The following PCDH7 variants were observed in gnomAD, a reference collection of about 807,000 sequenced individuals.
PCDH7 encodes protocadherin 7, also known as protocadherin-7.
In PCDH7, 17 loss-of-function variants were observed where a neutral mutation model predicts 58.9. The ratio of observed to expected loss-of-function variants is 0.29; its 90% CI spans 0.20 to 0.43. The LOEUF is 0.43. Ranked by LOEUF, PCDH7 falls within the 20% of genes least tolerant of loss-of-function variation. PCDH7 has a pLI of 1.00. For missense variants in PCDH7, 1,274 were observed against 1,441.0 expected (o/e 0.88, Z 1.88); for synonymous variants, 664 against 616.4 (o/e 1.08, Z -1.14).
intron 1 of PCDH7, chr4:30,725,103 T>C: frequency 1.0e-6 from 1 of 1,000,684 alleles, no homozygotes; most frequent in Non-Finnish European, 1.2e-6. Context: ...TTCATGCAGA[T>C]GTAGTACTAA....
Position 30,871,302 on chromosome 4 carries a change from GT to G in PCDH7, c.71-48847del, listed in dbSNP as rs1385217984. 2.6e-5 allele frequency among the ~76,000 whole-genome samples: 4 copies of G among 152,104 alleles called. No homozygotes were observed. In the East Asian group the frequency reaches 7.8e-4, roughly 30 times the overall value. ...GCAGAGGATGGGTAGGGAGCATAGG[GT>G]TTTGCTCCATGTATCTGTTCAGTGT... On this transcript the variant is annotated intron_variant, in intron 1 of 3. Coordinates refer to the PCDH7 transcript ENST00000509759.
intron 2 of PCDH7, among the ~76,000 whole-genome samples, chr4:30,921,602 C>A (rs909736478): frequency 6.6e-6 from 1 of 151,968 alleles, no homozygotes; most frequent in African/African-American, 2.4e-5. Context: ...TGATGATTGA[C>A]GTCCCTCTTG....
intron 3 of PCDH7, among the ~76,000 whole-genome samples, chr4:31,130,817 C>T (rs1718891728): frequency 1.3e-5 from 2 of 152,136 alleles, no homozygotes; most frequent in African/African-American, 4.8e-5. Flanking sequence ...TCTTCTGTCT[C>T]CCACTTCCAC....
chr4:30,757,060 T>C (rs1719396644), intron 1 of PCDH7, among the ~76,000 whole-genome samples: 1 of 152,188 alleles, frequency 6.6e-6, no homozygotes, highest in East Asian at 1.9e-4. Context: ...ATCCTTTCAA[T>C]GTCACATTCC....
intron 3 of PCDH7, among the ~76,000 whole-genome samples, chr4:31,106,694 T>C (rs960376884): frequency 6.6e-6 from 1 of 152,196 alleles, no homozygotes; most frequent in African/African-American, 2.4e-5. Context: ...TCAGTTATCA[T>C]GAAATTATTC....
At chr4:31,128,436 G>A (rs894105050) in intron 3 of PCDH7, among the ~76,000 whole-genome samples, 8 of 152,040 alleles carry the variant, frequency 5.3e-5, no homozygotes, top group African/African-American at 1.9e-4. Context: ...TACAAGGATG[G>A]GAGAAGAGAG....
intron 2 of PCDH7, among the ~76,000 whole-genome samples, chr4:30,937,799 A>G (rs1337691747): frequency 1.3e-5 from 2 of 151,680 alleles, no homozygotes; most frequent in Non-Finnish European, 2.9e-5. Context: ...GTATTATGGG[A>G]TTTTTATTTG....
exon 2 of PCDH7, chr4:30,730,787 G>A (rs1277812624): frequency 3.1e-6 from 5 of 1,608,266 alleles, no homozygotes; most frequent in East Asian, 2.2e-5. Context: ...GTGTTTGGCT[G>A]AATTCCACTC....
chr4:31,086,512 A>C (rs1321790736), intron 3 of PCDH7, among the ~76,000 whole-genome samples: 1 of 152,180 alleles, frequency 6.6e-6, no homozygotes, highest in Non-Finnish European at 1.5e-5. Flanking sequence ...TATCATACTT[A>C]ATAAGTATTT....
At chr4:30,934,173 C>T (rs1410090923) in intron 2 of PCDH7, among the ~76,000 whole-genome samples, 1 of 152,194 alleles carries the variant, frequency 6.6e-6, no homozygotes, top group African/African-American at 2.4e-5. Context: ...CCTATTTCAG[C>T]CCCAAACTTT....
At chr4:30,758,947 T>TG (rs2109266524) in intron 1 of PCDH7, among the ~76,000 whole-genome samples, 1 of 149,294 alleles carries the variant, frequency 6.7e-6, no homozygotes, top group South Asian at 2.1e-4. Flanking sequence ...AGTGTTTTTT[T>TG]TTTTTTTTTT....
chr4:30,727,863 T>C (rs978598170), intron 1 of PCDH7, among the ~76,000 whole-genome samples: 2 of 152,100 alleles, frequency 1.3e-5, no homozygotes, highest in African/African-American at 4.8e-5. Context: ...ACAGTTACTA[T>C]TTTGCTTATT....
intron 2 of PCDH7, among the ~76,000 whole-genome samples, chr4:30,946,280 C>T (rs1044339155): frequency 3.9e-5 from 6 of 152,154 alleles, no homozygotes; most frequent in African/African-American, 7.2e-5. Flanking sequence ...TGTTTAATAA[C>T]GTAAGCAGAG....
At chr4:30,892,383 G>C (rs1196149729) in intron 1 of PCDH7, among the ~76,000 whole-genome samples, 1 of 151,946 alleles carries the variant, frequency 6.6e-6, no homozygotes, top group Non-Finnish European at 1.5e-5. Flanking sequence ...TCTCTAAACT[G>C]AATATTGGTG....
intron 1 of PCDH7, among the ~76,000 whole-genome samples, chr4:30,887,653 A>C (rs2109378974): frequency 6.6e-6 from 1 of 152,316 alleles, no homozygotes; most frequent in African/African-American, 2.4e-5. Context: ...TAGGTCTAAA[A>C]TAATTTTGTT....
intron 3 of PCDH7, among the ~76,000 whole-genome samples, chr4:30,970,914 C>T (rs1403783512): frequency 1.3e-5 from 2 of 152,172 alleles, no homozygotes; most frequent in East Asian, 3.8e-4. Context: ...GCAAAGTGTA[C>T]AGTGAGTTCA....
chr4:30,875,404 A>T (rs112490400), intron 1 of PCDH7, among the ~76,000 whole-genome samples: 2,891 of 152,134 alleles, frequency 0.019, 37 homozygotes, highest in Middle Eastern at 0.027. Context: ...AGGGGTTAAG[A>T]CTTTCACGTA....
intron 3 of PCDH7, among the ~76,000 whole-genome samples, chr4:30,978,239 C>T (rs775175068): frequency 1.7e-4 from 26 of 152,170 alleles, no homozygotes; most frequent in Non-Finnish European, 3.4e-4. Flanking sequence ...TCAGTCCTGC[C>T]TCTGCCTCCA....
intron 1 of PCDH7, among the ~76,000 whole-genome samples, chr4:30,823,316 A>T (rs1367633618): frequency 1.3e-5 from 2 of 152,116 alleles, no homozygotes; most frequent in Non-Finnish European, 2.9e-5. Context: ...CTTGACATGT[A>T]GCGGTAATGG....
Sources: gnomAD v4.1 joint callset for allele counts (sites outside exome capture counted in the v4.1 genomes callset) on GRCh38, gnomAD v4.1.1 for gene constraint, MANE v1.5 for transcripts, NCBI Gene and HGNC (gene_info 2026-07-23, HGNC 2026-07-21) for gene names.